The following CUL9 variants were observed in gnomAD, a reference collection of about 807,000 sequenced individuals.
CUL9 encodes the protein cullin-9.
A neutral mutation model predicts 272.6 loss-of-function variants in CUL9; 79 were observed. The ratio of observed to expected loss-of-function variants is 0.29; its 90% CI spans 0.24 to 0.35. CUL9 has a LOEUF of 0.35. Among genes scored for constraint, CUL9 ranks in the 10% least tolerant of loss-of-function variants. The probability of loss-of-function intolerance (pLI) is 1.00; values close to 1 mark genes in which losing one functional copy is unlikely to be tolerated. For synonymous variants in CUL9, 1,186 were observed against 1,286.5 expected, an observed-to-expected ratio of 0.92 and a Z score of 1.67; for missense variants, 2,532 against 3,255.6, an observed-to-expected ratio of 0.78 and a Z score of 5.41.
intron 26 of CUL9, among the ~76,000 whole-genome samples, chr6:43,209,165 A>G (rs1196074796): frequency 4.7e-5 from 6 of 126,396 alleles, no homozygotes; most frequent in African/African-American, 1.5e-4. Context: ...TTTTTTTTGG[A>G]AACGGAGTCT....
At chr6:43,211,292 T>A (rs1005723610) in intron 26 of CUL9, among the ~76,000 whole-genome samples, 3 of 152,236 alleles carry the variant, frequency 2.0e-5, no homozygotes, top group African/African-American at 4.8e-5. Flanking sequence ...CCACGGTGGC[T>A]CATGCCTGTA....
chr6:43,189,896 C>G (rs568410407), intron 8 of CUL9, among the ~76,000 whole-genome samples: 26 of 152,254 alleles, frequency 1.7e-4, no homozygotes, highest in Non-Finnish European at 3.7e-4. Flanking sequence ...AGTCCTTTCT[C>G]ACCACTGTTA....
At chr6:43,186,904 G>A in intron 4 of CUL9, 56 bp from the exon 5 acceptor site, 1 of 1,592,926 alleles carries the variant, frequency 6.3e-7, no homozygotes, top group East Asian at 2.2e-5. Flanking sequence ...CACAGGCCAA[G>A]GCTCAGAGGG....
Position 43,223,230 on chromosome 6 carries a change from A to G in CUL9, c.7151-34A>G, listed in dbSNP as rs1776517272. 6.4e-7 allele frequency: 1 copy of G among 1,568,200 alleles called. No individual in the cohort carries two copies. Among genetic ancestry groups the G allele is most frequent in the Non-Finnish European group, 8.7e-7 (1 of 1,152,536 alleles). The stretch of plus-strand genomic sequence containing the variant: ...GAGGAAGGAATGGATGAGAATGAGA[A>G]GGGAGGGAGCCTCTGTGCCTGCCCC... On this transcript the variant is annotated intron_variant, in intron 38 of 40. Transcript: ENST00000252050. The surrounding 1 kb of genome is among the most constrained non-coding windows in gnomAD (Gnocchi z 4.1).
At chr6:43,192,291 A>G (rs992420478) in intron 8 of CUL9, among the ~76,000 whole-genome samples, 1 of 151,850 alleles carries the variant, frequency 6.6e-6, no homozygotes, top group African/African-American at 2.4e-5. Flanking sequence ...CAAGCAATTT[A>G]CCTGCCTCAG....
At chr6:43,195,919 G>A in intron 9 of CUL9, 150 bp from the exon 10 acceptor site, 1 of 544,600 alleles carries the variant, frequency 1.8e-6, no homozygotes, top group Admixed American at 3.2e-5. Flanking sequence ...AGTATTTGAT[G>A]TCCCATCACT....
At chr6:43,188,436 G>A (rs1773121710) in intron 7 of CUL9, 87 bp from the exon 8 acceptor site, 11 of 1,270,694 alleles carry the variant, frequency 8.7e-6, no homozygotes, top group African/African-American at 1.5e-5. Flanking sequence ...TTTAAATATT[G>A]GTAGGATAAC....
Position 43,185,950 on chromosome 6 carries a change from T to TA in CUL9, c.751-4dup. Reference sequence around the variant, plus strand: ...TGAACCTGTCCCAAGGATTGTGTCTTACAGATCCCAGGAAAGCTGCTTTTC... The same window carrying TA: ...TGAACCTGTCCCAAGGATTGTGTCTTAACAGATCCCAGGAAAGCTGCTTTTC... On this transcript the variant is annotated splice_polypyrimidine_tract_variant and splice_region_variant and intron_variant, in intron 3 of 40. Coordinates refer to ENST00000252050, the MANE Select transcript of CUL9 (RefSeq NM_015089.4). The TA allele has an allele frequency of 1.3e-6, 2 of 1,598,618 alleles. No individual in the cohort carries two copies. Among genetic ancestry groups the TA allele is most frequent in the Non-Finnish European group, 1.7e-6 (2 of 1,171,146 alleles).
At chr6:43,187,623 G>T in intron 6 of CUL9, 90 bp from the exon 7 acceptor site, 1 of 1,430,204 alleles carries the variant, frequency 7.0e-7, no homozygotes, top group East Asian at 2.3e-5. Context: ...AGGTGTGGGG[G>T]CATGGTAGGG....
At chr6:43,185,840 A>T in intron 3 of CUL9, 115 bp from the exon 4 acceptor site, 1 of 1,384,190 alleles carries the variant, frequency 7.2e-7, no homozygotes, top group Non-Finnish European at 9.8e-7. Context: ...AAGTTTCAGA[A>T]CTACAGGCCT....
At chr6:43,219,669 T>G (rs1269528725) in intron 31 of CUL9, among the ~76,000 whole-genome samples, 1 of 152,198 alleles carries the variant, frequency 6.6e-6, no homozygotes, top group Non-Finnish European at 1.5e-5. Flanking sequence ...CCCATCATTT[T>G]GGAAGGCATG....
rs761612787 is a variant in CUL9, at chr6:43,183,697, CCTTCCTTT to C, written c.-9-597_-9-590del. On this transcript the variant is annotated intron_variant, in intron 1 of 40. Transcript: ENST00000252050. ...AATTCTCTTTTTGTAAACTCCCCTTCCTTCCTTTCTTCCTTCCTTCCTTCCTTCCTTCC... is the reference window on the plus strand; with the variant it reads ...AATTCTCTTTTTGTAAACTCCCCTTCCTTCCTTCCTTCCTTCCTTCCTTCC... Among the ~76,000 whole-genome samples the C allele has an allele frequency of 1.9e-3, 234 of 123,958 alleles. 1 individual carries two copies. The highest frequency in any genetic ancestry group is 0.017 in the East Asian group (74 of 4,294). 81.3% of individuals were successfully genotyped at this position (123,958 alleles called of 152,430 possible).
Position 43,198,651 on chromosome 6 carries a change from A to C in CUL9, c.2846A>C (p.Glu949Ala), listed in dbSNP as rs772513915. The C allele has an allele frequency of 1.2e-6, 2 of 1,614,082 alleles. No individual in the cohort carries two copies. The highest frequency in any genetic ancestry group is 3.3e-5 in the Admixed American group (2 of 60,010). ...PIIQGQDGSP[E>A]LLIRSLVGGP... ...ATCCAGGGTCAGGATGGGTCCCCTGAGCTACTGATTCGATCCCTGGTTGGG... is the reference window on the plus strand; with the variant it reads ...ATCCAGGGTCAGGATGGGTCCCCTGCGCTACTGATTCGATCCCTGGTTGGG... Residue 949 changes from glutamate (E) to alanine (A), a missense_variant, in exon 12 of 41, where the codon GAG becomes GCG. By Grantham distance (107) the Glu-to-Ala change is moderately radical (BLOSUM62 -1). Coordinates refer to ENST00000252050, the MANE Select transcript of CUL9 (RefSeq NM_015089.4).
In CUL9 at chr6:43,206,595, T is replaced by C; in HGVS notation, c.5212+85T>C. On this transcript the variant is annotated intron_variant, in intron 26 of 40. Coordinates refer to ENST00000252050, the MANE Select transcript of CUL9 (RefSeq NM_015089.4). The surrounding 1 kb of genome is among the most constrained non-coding windows in gnomAD (Gnocchi z 4.8). ...AAGAGGAGAGGACCTTTGGACAGGA[T>C]ATAGATGTGAAGAAAAATATCAGCT... 1 of 1,268,840 alleles carries C rather than the reference T, an allele frequency of 7.9e-7. No individual in the cohort carries two copies. The highest frequency in any genetic ancestry group is 1.1e-6 in the Non-Finnish European group (1 of 893,922). The allele number at this position is 1,268,840 out of a possible 1,614,324, so 78.6% of individuals were successfully genotyped here. A position where few individuals can be genotyped will look rare whatever the true frequency, so the allele number is the denominator to read the frequency against.
chr6:43,190,772 C>T (rs1045679312), intron 8 of CUL9, among the ~76,000 whole-genome samples: 2 of 152,190 alleles, frequency 1.3e-5, no homozygotes, highest in African/African-American at 4.8e-5. Flanking sequence ...CAGAAGTTCT[C>T]CTTCTGTGTT....
chr6:43,206,917 T>C lies in CUL9; in HGVS notation c.5212+407T>C, dbSNP rs1775089331. 1.3e-5 allele frequency among the ~76,000 whole-genome samples: 2 copies of C among 152,180 alleles called. No individual in the cohort carries two copies. Among genetic ancestry groups the C allele is most frequent in the Admixed American group, 6.5e-5 (1 of 15,276 alleles). ...CAGAGTGCAGTGGTGTAATCTCTGC[T>C]CACTGCAGCCTCTACCTCCCGGGTT... On this transcript the variant is annotated intron_variant, in intron 26 of 40. Coordinates refer to ENST00000252050, the MANE Select transcript of CUL9 (RefSeq NM_015089.4). This position sits in a 1 kb window ranked among gnomAD's most constrained non-coding sequence, Gnocchi z 4.8.
intron 26 of CUL9, among the ~76,000 whole-genome samples, chr6:43,211,379 G>A (rs529685995): frequency 2.0e-5 from 3 of 152,166 alleles, no homozygotes; most frequent in East Asian, 1.9e-4. Context: ...CCAAGATGGC[G>A]AAACCCTGTC....
chr6:43,219,484 C>G (rs529573135), intron 31 of CUL9, among the ~76,000 whole-genome samples: 1 of 151,816 alleles, frequency 6.6e-6, no homozygotes, highest in Non-Finnish European at 1.5e-5. Flanking sequence ...TTTCCCTGTT[C>G]TATCTCAAAA....
intron 30 of CUL9, among the ~76,000 whole-genome samples, chr6:43,215,831 G>A (rs1015383521): frequency 2.6e-5 from 4 of 152,238 alleles, no homozygotes; most frequent in African/African-American, 9.6e-5. Context: ...CAGTAAGGAT[G>A]GAGACTCCTG....
Sources: gnomAD v4.1 joint callset for allele counts (sites outside exome capture counted in the v4.1 genomes callset) on GRCh38, gnomAD v4.1.1 for gene constraint, Gnocchi (gnomAD v3.1) non-coding constraint, MANE v1.5 for transcripts, NCBI Gene and HGNC (gene_info 2026-07-23, HGNC 2026-07-21) for gene names.